The following GJA8 variants were observed in gnomAD, a reference collection of about 807,000 sequenced individuals.
The protein encoded by GJA8 is gap junction protein alpha 8, also known as gap junction alpha-8 protein.
A neutral mutation model predicts 15.3 loss-of-function variants in GJA8; 13 were observed. The observed-to-expected ratio is 0.85, with a 90% CI of 0.55 to 1.35. The LOEUF (loss-of-function observed/expected upper bound fraction) is 1.35. GJA8 is among the 40% of genes most tolerant of loss of function. The pLI is 0.00. For synonymous variants in GJA8, 304 were observed against 238.7 expected (o/e 1.27, Z -2.52); for missense variants, 607 against 553.3 (o/e 1.10, Z -0.97).
In GJA8 at chr1:147,902,796, C is replaced by T. The variant is rs782525943; in HGVS notation, c.-77C>T. 2.6e-5 allele frequency among the ~76,000 whole-genome samples: 4 copies of T among 152,288 alleles called. No homozygotes were observed. In the South Asian group the frequency reaches 8.3e-4, roughly 32 times the overall value. ...CAGCAAAGGAAAGAGACGAAAGTTGCCATTTTGCTGCTGAGCGCCAAGAGA... is the reference window on the plus strand; with the variant it reads ...CAGCAAAGGAAAGAGACGAAAGTTGTCATTTTGCTGCTGAGCGCCAAGAGA... On this transcript the variant is annotated 5_prime_UTR_variant, in exon 1 of 2. Coordinates refer to ENST00000369235, the MANE Select transcript of GJA8 (RefSeq NM_005267.5).
rs782708057 is a variant in GJA8, at chr1:147,908,061, A to C, written c.106A>C (p.Ile36Leu). ...LTVLFIFRIL[I>L]LGTAAEFVWG... ...CGTGCTTTTCATCTTCCGGATCCTC[A>C]TCCTTGGCACGGCCGCAGAGTTCGT... Residue 36 changes from isoleucine to leucine, a missense_variant, in exon 2 of 2, where the codon ATC (isoleucine) becomes CTC (leucine). By Grantham distance (5) the Ile-to-Leu change is conservative (BLOSUM62 2). Coordinates refer to ENST00000369235, the MANE Select transcript of GJA8 (RefSeq NM_005267.5). 1.2e-6 allele frequency: 2 copies of C among 1,613,954 alleles called. No individual in the cohort carries two copies. Among genetic ancestry groups the C allele is most frequent in the South Asian group, 1.1e-5 (1 of 91,082 alleles).
intron 1 of GJA8, among the ~76,000 whole-genome samples, chr1:147,905,567 C>G (rs1458664372): frequency 6.6e-6 from 1 of 152,230 alleles, no homozygotes; most frequent in African/African-American, 2.4e-5. Flanking sequence ...GCTGTTTTAA[C>G]ATAAATTTTA....
At chr1:147,909,763 G>A (rs1652026763), downstream of GJA8, among the ~76,000 whole-genome samples, 1 of 152,212 alleles carries the variant, frequency 6.6e-6, no homozygotes. Context: ...GGGAGAGAAT[G>A]GGGCTGTGAA....
chr1:147,912,670 T>C (rs1553243617), downstream of GJA8, among the ~76,000 whole-genome samples: 1 of 152,078 alleles, frequency 6.6e-6, no homozygotes, highest in East Asian at 1.9e-4. Flanking sequence ...GGTCCCTTGT[T>C]AGATAAAAAC....
chr1:147,907,923 GCCTT>G lies in GJA8; in HGVS notation c.-11-20_-11-17del. 2 of 1,562,692 alleles carry G rather than the reference GCCTT, an allele frequency of 1.3e-6. No homozygotes were observed. The highest frequency in any genetic ancestry group is 1.8e-6 in the Non-Finnish European group (2 of 1,133,952). On this transcript the variant is annotated intron_variant, in intron 1 of 1. Coordinates refer to ENST00000369235, the MANE Select transcript of GJA8 (RefSeq NM_005267.5). ...GTTGCATTGCGGCCGCTCAGCTCTT[GCCTT>G]CTCCCTCATTTCTTCAGGTGGGTGA...
chr1:147,912,770 C>A (rs141116722), downstream of GJA8, among the ~76,000 whole-genome samples: 492 of 152,066 alleles, frequency 3.2e-3, 2 homozygotes, highest in African/African-American at 0.011. Context: ...GGGCTAATCA[C>A]TTGATAGCAG....
At chr1:147,907,838 G>A (rs1434729468) in intron 1 of GJA8, 107 bp from the exon 2 acceptor site, 16 of 811,132 alleles carry the variant, frequency 2.0e-5, no homozygotes, top group African/African-American at 1.0e-4. Context: ...CACATTGACC[G>A]TTCTGGCAAC....
At chr1:147,909,272 A>G (rs782695838), downstream of GJA8, 13 of 1,372,960 alleles carry the variant, frequency 9.5e-6, no homozygotes, top group African/African-American at 2.2e-4. Flanking sequence ...ACGCCAAAGA[A>G]AAAAAAAAAA....
At chr1:147,907,530 T>C (rs1252838498) in intron 1 of GJA8, among the ~76,000 whole-genome samples, 3 of 152,180 alleles carry the variant, frequency 2.0e-5, no homozygotes, top group African/African-American at 7.2e-5. Context: ...ATAAGGGAAC[T>C]CTTCAGCATT....
At chr1:147,913,416 C>G (rs138658416), downstream of GJA8, among the ~76,000 whole-genome samples, 548 of 151,680 alleles carry the variant, frequency 3.6e-3, no homozygotes, top group African/African-American at 0.012. Context: ...AATTATGGTA[C>G]AAAAAAAAGA....
intron 1 of GJA8, among the ~76,000 whole-genome samples, chr1:147,906,112 G>A (rs1232862765): frequency 6.6e-6 from 1 of 152,240 alleles, no homozygotes; most frequent in African/African-American, 2.4e-5. Flanking sequence ...AGGCTTTTGT[G>A]TTTAACAAAT....
chr1:147,902,963 G>T (rs587774680), intron 1 of GJA8, among the ~76,000 whole-genome samples, 102 bp downstream of exon 1: 2 of 152,250 alleles, frequency 1.3e-5, no homozygotes, highest in African/African-American at 2.4e-5. Context: ...AAGGAAAAAG[G>T]TTGCCAATAA....
chr1:147,914,319 T>G, the GJA8 span, among the ~76,000 whole-genome samples: 1 of 152,222 alleles, frequency 6.6e-6, no homozygotes, highest in Admixed American at 6.5e-5. Context: ...AGACTCAGTT[T>G]GTTATGAAGC....
Position 147,908,063 on chromosome 1 carries a change from C to G in GJA8, c.108C>G (p.Ile36Met), listed in dbSNP as rs781829394. Residue 36 changes from isoleucine to methionine, a missense_variant, in exon 2 of 2, where the codon ATC (isoleucine) becomes ATG (methionine). Transcript: ENST00000369235. ...TGCTTTTCATCTTCCGGATCCTCAT[C>G]CTTGGCACGGCCGCAGAGTTCGTGT... is the stretch of plus-strand genomic sequence containing the variant. ...LTVLFIFRIL[I>M]LGTAAEFVWG... 1 of 1,614,034 alleles carries G rather than the reference C, an allele frequency of 6.2e-7. No individual in the cohort carries two copies. Among genetic ancestry groups the G allele is most frequent in the Admixed American group, 1.7e-5 (1 of 60,006 alleles).
At chr1:147,907,889 T>C in intron 1 of GJA8, 56 bp from the exon 2 acceptor site, 1 of 1,241,804 alleles carries the variant, frequency 8.1e-7, no homozygotes. Context: ...AAACAGATAT[T>C]GACTCAGGGT....
chr1:147,908,937 G>C lies in GJA8; in HGVS notation c.982G>C (p.Ala328Pro). 1 of 1,609,712 alleles carries C rather than the reference G, an allele frequency of 6.2e-7. No homozygotes were observed. Among genetic ancestry groups the C allele is most frequent in the Non-Finnish European group, 8.5e-7 (1 of 1,177,036 alleles). ...ETLPSYAQVG[A>P]QEVEGEGPPA... The stretch of plus-strand genomic sequence containing the variant: ...ACTGCCTTCCTACGCTCAGGTGGGG[G>C]CACAAGAAGTGGAGGGCGAGGGGCC... Residue 328 changes from alanine to proline, a missense_variant, in exon 2 of 2, where the codon GCA becomes CCA. Physicochemically the swap from Ala to Pro is conservative, Grantham distance 27. Transcript: ENST00000369235.
At chr1:147,912,215 C>A (rs1164400800), downstream of GJA8, among the ~76,000 whole-genome samples, 1 of 152,128 alleles carries the variant, frequency 6.6e-6, no homozygotes, top group Non-Finnish European at 1.5e-5. Flanking sequence ...CTGAGTGGTA[C>A]CATTCCCTGA....
rs782170857 is a variant in GJA8 at position 147,909,175 on chromosome 1, A to G, written c.1220A>G (p.Glu407Gly). 3 of 1,608,116 alleles carry G rather than the reference A, an allele frequency of 1.9e-6. No homozygotes were observed. Among genetic ancestry groups the G allele is most frequent in the South Asian group, 1.1e-5 (1 of 90,908 alleles). Residue 407 changes from glutamate (E) to glycine (G), a missense_variant, in exon 2 of 2, where the codon GAG becomes GGG. Glu to Gly is a moderately conservative substitution (Grantham distance 98). Coordinates refer to ENST00000369235, the MANE Select transcript of GJA8 (RefSeq NM_005267.5). ...PAEKTPSLCP[E>G]LTTDDARPLS... ...GAGAAGACACCTTCACTCTGTCCAG[A>G]GCTGACAACAGATGATGCCAGACCC...
chr1:147,909,111 C>G lies in GJA8; in HGVS notation c.1156C>G (p.Pro386Ala). The G allele has an allele frequency of 6.2e-7, 1 of 1,613,702 alleles. No individual in the cohort carries two copies. The highest frequency in any genetic ancestry group is 8.5e-7 in the Non-Finnish European group (1 of 1,179,804). ...GGATAAGGAGGGTGAAAAAGAAGAG[C>G]CGCAGTCGGAGAAGGTGTCAAAGCA... ...GVDKEGEKEEPQSEKVSKQGL... is the reference protein window; with the variant it reads ...GVDKEGEKEEAQSEKVSKQGL... Residue 386 changes from proline to alanine, a missense_variant, in exon 2 of 2, where the codon CCG (proline) becomes GCG (alanine). Physicochemically the swap from Pro to Ala is conservative, Grantham distance 27. Coordinates refer to ENST00000369235, the MANE Select transcript of GJA8 (RefSeq NM_005267.5).
Sources: allele counts gnomAD v4.1 joint callset (sites outside exome capture counted in the v4.1 genomes callset), GRCh38; gene constraint gnomAD v4.1.1; transcripts MANE v1.5; gene names NCBI Gene and HGNC (gene_info 2026-07-23, HGNC 2026-07-21).